CD200: variants seen among roughly 807,000 people sequenced by gnomAD.
CD200 encodes the protein CD200 molecule.
In CD200, 15 loss-of-function variants were observed where a neutral mutation model predicts 30.9. That is an observed-to-expected ratio of 0.49 (90% CI 0.32 to 0.75). The LOEUF is 0.75. Ranked by LOEUF, CD200 falls within the 30% of genes least tolerant of loss-of-function variation. The probability of loss-of-function intolerance (pLI) is 0.03; values close to 1 mark genes in which losing one functional copy is unlikely to be tolerated. For synonymous variants in CD200, 134 were observed against 126.2 expected (o/e 1.06, Z -0.41); for missense variants, 262 against 324.2 (o/e 0.81, Z 1.47).
At chr3:112,351,351 A>G (rs1001816391) in intron 5 of CD200, among the ~76,000 whole-genome samples, 12 of 152,228 alleles carry the variant, frequency 7.9e-5, no homozygotes, top group African/African-American at 2.9e-4. Context: ...AGACAAGTAT[A>G]AAGTATTTAA....
chr3:112,342,527 A>G (rs2081292906), intron 2 of CD200, among the ~76,000 whole-genome samples: 1 of 151,484 alleles, frequency 6.6e-6, no homozygotes, highest in Middle Eastern at 3.4e-3. Context: ...GGTTCAAGCA[A>G]TTCTCCTGCC....
At chr3:112,347,089 A>C (rs753287537) in intron 3 of CD200, among the ~76,000 whole-genome samples, 34 of 152,302 alleles carry the variant, frequency 2.2e-4, no homozygotes, top group Non-Finnish European at 4.0e-4. Flanking sequence ...TAGCCTTTCT[A>C]TGGGCTCTCT....
chr3:112,340,792 G>C lies in CD200; in HGVS notation c.13-110G>C, dbSNP rs574142801. On this transcript the variant is annotated intron_variant, in intron 1 of 5. Transcript: ENST00000315711. Reference sequence around the variant, plus strand: ...GCTCCCACAAAACCAAAATTCTCTGGGGGGTAAAAACTTAGCTACAACATT... The same window carrying C: ...GCTCCCACAAAACCAAAATTCTCTGCGGGGTAAAAACTTAGCTACAACATT... The C allele has an allele frequency of 4.1e-5, 29 of 701,024 alleles. 1 individual carries two copies. The highest frequency in any genetic ancestry group is 3.7e-4 in the Middle Eastern group (1 of 2,696). 43.4% of individuals were successfully genotyped at this position (701,024 alleles called of 1,614,324 possible).
intron 5 of CD200, among the ~76,000 whole-genome samples, chr3:112,351,612 C>T (rs573164787): frequency 7.2e-5 from 11 of 152,160 alleles, no homozygotes; most frequent in South Asian, 2.1e-4. Context: ...GACTCCTGTA[C>T]GCATCAGGAT....
At chr3:112,344,211 G>T (rs2108443797) in intron 2 of CD200, among the ~76,000 whole-genome samples, 1 of 152,226 alleles carries the variant, frequency 6.6e-6, no homozygotes, top group South Asian at 2.1e-4. Context: ...GGTTTGTAAA[G>T]TTTATTATTT....
chr3:112,362,314 T>C lies in CD200; in HGVS notation c.*764T>C, dbSNP rs1332072391. ...ATAGCTAGATAAATATTGTTAGTCT[T>C]AGACAATAGCTCACATTTTTTGAGA... On this transcript the variant is annotated 3_prime_UTR_variant, in exon 6 of 6. Coordinates refer to ENST00000315711, the MANE Select transcript of CD200 (RefSeq NM_005944.7). The C allele has an allele frequency of 2.6e-5, 4 of 152,288 alleles. No homozygotes were observed. Among genetic ancestry groups the C allele is most frequent in the Non-Finnish European group, 5.9e-5 (4 of 68,046 alleles). The allele number at this position is 152,288 out of a possible 1,614,324, so 9.4% of individuals were successfully genotyped here.
intron 5 of CD200, among the ~76,000 whole-genome samples, chr3:112,360,620 T>G (rs538096818): frequency 6.6e-6 from 1 of 152,194 alleles, no homozygotes; most frequent in Admixed American, 6.5e-5. Flanking sequence ...CTTTCCATGG[T>G]CCATTGATAT....
At chr3:112,356,236 TGCTA>T (rs2081621294) in intron 5 of CD200, among the ~76,000 whole-genome samples, 1 of 152,168 alleles carries the variant, frequency 6.6e-6, no homozygotes, top group Non-Finnish European at 1.5e-5. Context: ...TAAAGAGAAA[TGCTA>T]GCCTTGTGTT....
At chr3:112,341,704 G>C (rs1000699954) in intron 2 of CD200, among the ~76,000 whole-genome samples, 1 of 151,788 alleles carries the variant, frequency 6.6e-6, no homozygotes, top group Non-Finnish European at 1.5e-5. Flanking sequence ...AGGTAGCAAA[G>C]AATTGTAAAT....
At chr3:112,347,285 A>G (rs2081419363) in intron 3 of CD200, among the ~76,000 whole-genome samples, 1 of 152,146 alleles carries the variant, frequency 6.6e-6, no homozygotes, top group Non-Finnish European at 1.5e-5. Context: ...ACTTCTCAAT[A>G]CTCTATGTCC....
At chr3:112,349,400 T>C (rs1397821345) in intron 4 of CD200, among the ~76,000 whole-genome samples, 1 of 152,206 alleles carries the variant, frequency 6.6e-6, no homozygotes, top group East Asian at 1.9e-4. Context: ...GCTATCCCAT[T>C]TGTTATTCTG....
At chr3:112,351,298 C>A (rs1219182114) in intron 5 of CD200, among the ~76,000 whole-genome samples, 2 of 152,284 alleles carry the variant, frequency 1.3e-5, no homozygotes, top group South Asian at 4.1e-4. Flanking sequence ...TTCACTTAAT[C>A]TGTGCTTACT....
rs143785343 is a variant in CD200 at position 112,354,182 on chromosome 3, G to A, written c.802+4363G>A. On this transcript the variant is annotated intron_variant, in intron 5 of 5. Transcript: ENST00000315711. ...TAGATGACCCAAATTTTAAGTTTCAGTCTGTATGTGGGGAACATCTCTAGG... is the reference window on the plus strand; with the variant it reads ...TAGATGACCCAAATTTTAAGTTTCAATCTGTATGTGGGGAACATCTCTAGG... Among the ~76,000 whole-genome samples, 632 of 152,180 alleles carry A rather than the reference G, an allele frequency of 4.2e-3. 7 individuals carry two copies. Among genetic ancestry groups the A allele is most frequent in the African/African-American group, 0.013 (546 of 41,484 alleles).
chr3:112,346,981 G>A (rs1056756934), intron 3 of CD200, among the ~76,000 whole-genome samples: 1 of 152,072 alleles, frequency 6.6e-6, no homozygotes, highest in Non-Finnish European at 1.5e-5. Flanking sequence ...CCAAATTTTG[G>A]TTTTGTGTAG....
chr3:112,342,361 C>A lies in CD200; in HGVS notation c.94+1378C>A, dbSNP rs1173871632. Among the ~76,000 whole-genome samples the A allele has an allele frequency of 1.5e-4, 3 of 19,834 alleles. 1 individual carries two copies. The highest frequency in any genetic ancestry group is 3.6e-4 in the African/African-American group (2 of 5,586). The allele number at this position is 19,834 out of a possible 152,430, so 13.0% of individuals were successfully genotyped here. A position where few individuals can be genotyped will look rare whatever the true frequency, so the allele number is the denominator to read the frequency against. ...TCCTTCTTTCTTTCTTTCTTTCTTT[C>A]TTTCTTTCTTTCTTTCTTTCTTTCT... is the stretch of plus-strand genomic sequence containing the variant. On this transcript the variant is annotated intron_variant, in intron 2 of 5. Coordinates refer to ENST00000315711, the MANE Select transcript of CD200 (RefSeq NM_005944.7).
At chr3:112,354,940 C>T (rs563235686) in intron 5 of CD200, among the ~76,000 whole-genome samples, 11 of 152,306 alleles carry the variant, frequency 7.2e-5, no homozygotes, top group African/African-American at 2.6e-4. Context: ...AAATCTGAAA[C>T]ATTTGTCTCC....
intron 2 of CD200, among the ~76,000 whole-genome samples, chr3:112,344,419 C>A (rs1025816453): frequency 1.3e-5 from 2 of 152,148 alleles, no homozygotes; most frequent in Non-Finnish European, 2.9e-5. Flanking sequence ...GAACATTGTC[C>A]CATAAATCTC....
chr3:112,353,172 G>C (rs2081566253), intron 5 of CD200, among the ~76,000 whole-genome samples: 1 of 152,138 alleles, frequency 6.6e-6, no homozygotes, highest in African/African-American at 2.4e-5. Context: ...TTGGAGTTGA[G>C]AATAATCTTT....
chr3:112,340,915 C>T lies in CD200; in HGVS notation c.26C>T (p.Pro9Leu), dbSNP rs1235219475. 2 of 1,604,974 alleles carry T rather than the reference C, an allele frequency of 1.2e-6. No individual in the cohort carries two copies. Among genetic ancestry groups the T allele is most frequent in the Non-Finnish European group, 1.7e-6 (2 of 1,172,222 alleles). MERLVIRMPFSHLSTYSLV... is the reference protein window; with the variant it reads MERLVIRMLFSHLSTYSLV... ...TTCTGTCTTCAGGTGATCAGGATGC[C>T]CTTCTCTCATCTGTCTACCTACAGC... is the stretch of plus-strand genomic sequence containing the variant. Residue 9 changes from proline (P) to leucine (L), a missense_variant, in exon 2 of 6, where the codon CCC (proline) becomes CTC (leucine). By Grantham distance (98) the Pro-to-Leu change is moderately conservative (BLOSUM62 -3). Coordinates refer to ENST00000315711, the MANE Select transcript of CD200 (RefSeq NM_005944.7).
Sources: allele counts gnomAD v4.1 joint callset (sites outside exome capture counted in the v4.1 genomes callset), GRCh38; gene constraint gnomAD v4.1.1; transcripts MANE v1.5; gene names NCBI Gene and HGNC (gene_info 2026-07-23, HGNC 2026-07-21).